Variants in FARP1 observed in about 807,000 individuals in gnomAD.
FARP1 encodes FERM, ARH/RhoGEF and pleckstrin domain protein 1.
A neutral mutation model predicts 128.8 loss-of-function variants in FARP1; 52 were observed. The observed-to-expected ratio is 0.40, with a 90% CI of 0.32 to 0.51. The LOEUF (loss-of-function observed/expected upper bound fraction) is 0.51. FARP1 is among the 20% of genes least tolerant of loss of function. The pLI, the probability that FARP1 is intolerant of heterozygous loss-of-function variation, is 0.45. For missense variants in FARP1, 1,333 were observed against 1,367.9 expected (o/e 0.97, Z 0.40); for synonymous variants, 580 against 551.8 (o/e 1.05, Z -0.72).
rs907050125 is a variant in FARP1, at chr13:98,431,215, A to G, written c.2078A>G (p.Lys693Arg). 1.2e-6 allele frequency: 2 copies of G among 1,606,102 alleles called. No homozygotes were observed. The highest frequency in any genetic ancestry group is 1.7e-6 in the Non-Finnish European group (2 of 1,176,500). ...LRPLHRLMHY[K>R]QVLERLCKHH... ...CCACTGCACCGGCTCATGCACTACA[A>G]GCAGGTCCTGGAGCGGCTGTGCAAA... The change falls in exon 18 of 27, where the codon AAG becomes AGG. Residue 693 changes from lysine (K) to arginine (R), a missense_variant. By Grantham distance (26) the Lys-to-Arg change is conservative. Coordinates refer to ENST00000319562, the MANE Select transcript of FARP1 (RefSeq NM_005766.4).
intron 2 of FARP1, among the ~76,000 whole-genome samples, chr13:98,217,996 TC>T (rs1320827721): frequency 6.6e-6 from 1 of 151,838 alleles, no homozygotes; most frequent in Non-Finnish European, 1.5e-5. Flanking sequence ...GGGATTGGAG[TC>T]CGGCCCGCCA....
intron 3 of FARP1, among the ~76,000 whole-genome samples, chr13:98,360,292 C>T (rs1289080921): frequency 1.3e-5 from 2 of 152,114 alleles, no homozygotes; most frequent in African/African-American, 4.8e-5. Context: ...GATGGGCTTT[C>T]GCCATGTTGG....
chr13:98,275,459 A>G (rs1354916335), intron 2 of FARP1, among the ~76,000 whole-genome samples: 1 of 151,384 alleles, frequency 6.6e-6, no homozygotes, highest in Non-Finnish European at 1.5e-5. Context: ...TTAGGTAATG[A>G]TTTGGTAAAT....
At chr13:98,294,963 G>T (rs1420054440) in intron 2 of FARP1, among the ~76,000 whole-genome samples, 1 of 151,220 alleles carries the variant, frequency 6.6e-6, no homozygotes, top group African/African-American at 2.4e-5. Context: ...GTTGCAGTGA[G>T]CTGAGATCAC....
chr13:98,325,671 G>GCA (rs1209439987), intron 2 of FARP1, among the ~76,000 whole-genome samples: 2 of 152,200 alleles, frequency 1.3e-5, no homozygotes, highest in African/African-American at 4.8e-5. Context: ...AATCAGAGAG[G>GCA]CACATACTTC....
intron 6 of FARP1, among the ~76,000 whole-genome samples, chr13:98,378,190 G>T (rs1889673437): frequency 6.6e-6 from 1 of 152,186 alleles, no homozygotes; most frequent in Non-Finnish European, 1.5e-5. Context: ...TTGTCTTAAA[G>T]GATAAGCTTG....
chr13:98,298,458 C>A (rs1885793977), intron 2 of FARP1, among the ~76,000 whole-genome samples: 1 of 152,136 alleles, frequency 6.6e-6, no homozygotes, highest in African/African-American at 2.4e-5. Context: ...TGGGACTGCA[C>A]CCCATGCTTC....
chr13:98,166,763 CTG>C (rs1877295715), intron 1 of FARP1, among the ~76,000 whole-genome samples: 1 of 150,126 alleles, frequency 6.7e-6, no homozygotes, highest in African/African-American at 2.5e-5. Context: ...CGTTCTGTCA[CTG>C]TGGCTGAAGT....
intron 2 of FARP1, among the ~76,000 whole-genome samples, chr13:98,303,504 G>A (rs1010549708): frequency 1.3e-5 from 2 of 152,188 alleles, no homozygotes; most frequent in African/African-American, 2.4e-5. Context: ...CTTGGTCCTC[G>A]TTGTGTATGT....
At chr13:98,258,353 A>G (rs1883713420) in intron 2 of FARP1, among the ~76,000 whole-genome samples, 1 of 152,218 alleles carries the variant, frequency 6.6e-6, no homozygotes, top group African/African-American at 2.4e-5. Flanking sequence ...AAACCTTTCC[A>G]GACTCCCTGT....
chr13:98,231,757 A>G (rs1399902141), intron 2 of FARP1, among the ~76,000 whole-genome samples: 1 of 152,142 alleles, frequency 6.6e-6, no homozygotes, highest in African/African-American at 2.4e-5. Context: ...CAGATTTACA[A>G]AGGGACTAGA....
intron 2 of FARP1, among the ~76,000 whole-genome samples, chr13:98,268,560 T>C (rs950006402): frequency 6.6e-6 from 1 of 152,252 alleles, no homozygotes; most frequent in South Asian, 2.1e-4. Flanking sequence ...CTCCACCTCC[T>C]GGGTTCAAAT....
intron 17 of FARP1, among the ~76,000 whole-genome samples, chr13:98,424,999 T>C (rs551568184): frequency 7.9e-5 from 12 of 152,146 alleles, no homozygotes; most frequent in African/African-American, 2.9e-4. Context: ...AGCCAAAAGA[T>C]TGGACACCCC....
intron 1 of FARP1, among the ~76,000 whole-genome samples, chr13:98,212,203 A>C (rs781416615): frequency 5.3e-5 from 8 of 152,172 alleles, no homozygotes; most frequent in Non-Finnish European, 1.2e-4. Flanking sequence ...CTACAGGTAC[A>C]TGCCACCACA....
At position 98,388,422 on chromosome 13, in the gene FARP1, C is replaced by G; in HGVS notation, c.799C>G (p.Arg267Gly). ...KINAFNWAKV[R>G]KLSFKRKRFL... is the part of the protein sequence containing the mutation. ...CAATGCCTTCAACTGGGCCAAGGTGCGGAAGCTGAGCTTCAAGAGGAAGCG... is the reference window on the plus strand; with the variant it reads ...CAATGCCTTCAACTGGGCCAAGGTGGGGAAGCTGAGCTTCAAGAGGAAGCG... Residue 267 changes from arginine to glycine, a missense_variant, in exon 9 of 27, where the codon CGG becomes GGG. Transcript: ENST00000319562. 6.2e-7 allele frequency: 1 copy of G among 1,614,018 alleles called. No homozygotes were observed. Among genetic ancestry groups the G allele is most frequent in the Non-Finnish European group, 8.5e-7 (1 of 1,179,882 alleles).
intron 6 of FARP1, 117 bp downstream of exon 6, chr13:98,378,035 G>T: frequency 1.3e-6 from 1 of 794,800 alleles, no homozygotes. Flanking sequence ...TGTTATTTTT[G>T]CTGTTCGTAT....
intron 2 of FARP1, among the ~76,000 whole-genome samples, chr13:98,306,187 T>C (rs1886146869): frequency 6.6e-6 from 1 of 152,244 alleles, no homozygotes; most frequent in Admixed American, 6.5e-5. Flanking sequence ...AAGTTTGCAT[T>C]GTGTTGTTGG....
chr13:98,446,485 G>A (rs775769261), intron 25 of FARP1, 181 bp from the exon 26 acceptor site: 36 of 644,960 alleles, frequency 5.6e-5, no homozygotes, highest in Non-Finnish European at 8.8e-5. Flanking sequence ...CAGTCCTGGC[G>A]GGACTTGCCA....
intron 1 of FARP1, among the ~76,000 whole-genome samples, chr13:98,180,639 A>G (rs1384320028): frequency 1.3e-5 from 2 of 152,158 alleles, no homozygotes; most frequent in Non-Finnish European, 2.9e-5. Context: ...GAGATTTTTC[A>G]GCTCACTTTA....
Sources: gnomAD v4.1 joint callset for allele counts (sites outside exome capture counted in the v4.1 genomes callset) on GRCh38, gnomAD v4.1.1 for gene constraint, MANE v1.5 for transcripts, NCBI Gene and HGNC (gene_info 2026-07-23, HGNC 2026-07-21) for gene names.